SDK1: variants seen among roughly 807,000 people sequenced by gnomAD.
The protein encoded by SDK1 is sidekick cell adhesion molecule 1, also known as protein sidekick-1.
In SDK1, 157 loss-of-function variants were observed where a neutral mutation model predicts 245.5. The ratio of observed to expected loss-of-function variants is 0.64; its 90% CI spans 0.56 to 0.73. The LOEUF (loss-of-function observed/expected upper bound fraction) is 0.73. Ranked by LOEUF, SDK1 falls within the 30% of genes least tolerant of loss-of-function variation. The pLI is 0.00. For missense variants in SDK1, 3,583 were observed against 3,002.3 expected (o/e 1.19, Z -4.52); for synonymous variants, 1,647 against 1,278.5 (o/e 1.29, Z -6.15).
intron 1 of SDK1, among the ~76,000 whole-genome samples, chr7:3,589,390 G>C (rs1218110143): frequency 6.6e-6 from 1 of 152,194 alleles, no homozygotes; most frequent in Non-Finnish European, 1.5e-5. Context: ...TTTGATGTCA[G>C]TGCACAGACT....
chr7:3,432,696 C>T (rs911622798), intron 1 of SDK1, among the ~76,000 whole-genome samples: 2 of 152,152 alleles, frequency 1.3e-5, no homozygotes, highest in African/African-American at 4.8e-5. Flanking sequence ...GTAGCCTGCA[C>T]TGTCATAGAA....
At chr7:4,000,290 C>T (rs1449152232) in intron 14 of SDK1, among the ~76,000 whole-genome samples, 1 of 152,188 alleles carries the variant, frequency 6.6e-6, no homozygotes, top group Admixed American at 6.5e-5. Context: ...GCAGCTTGTC[C>T]TTCCTCCAGC....
intron 5 of SDK1, among the ~76,000 whole-genome samples, chr7:3,904,519 C>T (rs1342118170): frequency 6.6e-6 from 1 of 152,002 alleles, no homozygotes; most frequent in Non-Finnish European, 1.5e-5. Flanking sequence ...CAGGGCAAGA[C>T]CCTGTCTCTA....
chr7:4,067,686 C>T, intron 19 of SDK1, 152 bp from the exon 20 acceptor site: 1 of 586,560 alleles, frequency 1.7e-6, no homozygotes, highest in Non-Finnish European at 3.1e-6. Flanking sequence ...CTTGAACACC[C>T]TCCTTCTTTC....
rs576597276 is a variant in SDK1, at chr7:3,513,698, G to A, written c.299-105382G>A. Among the ~76,000 whole-genome samples, 21 of 152,158 alleles carry A rather than the reference G, an allele frequency of 1.4e-4. No individual in the cohort carries two copies. In the South Asian group the frequency reaches 4.4e-3, roughly 32 times the overall value. On this transcript the variant is annotated intron_variant, in intron 1 of 44. Coordinates refer to ENST00000404826, the MANE Select transcript of SDK1 (RefSeq NM_152744.4). ...CAAATTTGTTATGTGGGTCTGTTGCGTGATCCTGAGGTTTAGGGTACAGAT... is the reference window on the plus strand; with the variant it reads ...CAAATTTGTTATGTGGGTCTGTTGCATGATCCTGAGGTTTAGGGTACAGAT...
chr7:3,691,445 A>G (rs1784435037), intron 4 of SDK1, among the ~76,000 whole-genome samples: 1 of 152,226 alleles, frequency 6.6e-6, no homozygotes, highest in Non-Finnish European at 1.5e-5. Flanking sequence ...GAGTCCAAGT[A>G]GCACTTTGCT....
chr7:3,628,110 C>A (rs192744715), intron 2 of SDK1, among the ~76,000 whole-genome samples: 1 of 152,076 alleles, frequency 6.6e-6, no homozygotes, highest in African/African-American at 2.4e-5. Flanking sequence ...CATAGTGTGA[C>A]ATCTTCATTT....
intron 5 of SDK1, among the ~76,000 whole-genome samples, chr7:3,909,347 T>C (rs142620408): frequency 7.9e-5 from 12 of 152,258 alleles, no homozygotes; most frequent in African/African-American, 2.6e-4. Context: ...GGACACCCCA[T>C]CTACTGTGCA....
chr7:3,506,761 T>C (rs1218200556), intron 1 of SDK1, among the ~76,000 whole-genome samples: 1 of 152,148 alleles, frequency 6.6e-6, no homozygotes, highest in Non-Finnish European at 1.5e-5. Context: ...AGTATTCCAG[T>C]TCAGGTGTTG....
chr7:3,873,426 GT>G (rs1269676927), intron 5 of SDK1, among the ~76,000 whole-genome samples: 5 of 151,874 alleles, frequency 3.3e-5, no homozygotes, highest in Non-Finnish European at 5.9e-5. Context: ...TAGAGTTTGT[GT>G]TTTGTTTTGT....
chr7:3,578,455 C>A (rs1300866230), intron 1 of SDK1, among the ~76,000 whole-genome samples: 1 of 152,036 alleles, frequency 6.6e-6, no homozygotes, highest in Non-Finnish European at 1.5e-5. Context: ...AACATCTTAA[C>A]AGAAAACAGG....
At chr7:4,045,942 GGTTTTT>G (rs1235370778) in intron 17 of SDK1, among the ~76,000 whole-genome samples, 2 of 151,972 alleles carry the variant, frequency 1.3e-5, no homozygotes, top group African/African-American at 4.8e-5. Context: ...CTGCATAGTA[GGTTTTT>G]GTTCTTTTTT....
intron 1 of SDK1, among the ~76,000 whole-genome samples, chr7:3,401,960 A>G (rs1047861990): frequency 6.6e-6 from 1 of 152,136 alleles, no homozygotes; most frequent in African/African-American, 2.4e-5. Context: ...TCTTTACTGC[A>G]TCTGTCGATT....
At chr7:3,989,808 C>T (rs1350025142) in intron 14 of SDK1, among the ~76,000 whole-genome samples, 1 of 152,232 alleles carries the variant, frequency 6.6e-6, no homozygotes, top group Non-Finnish European at 1.5e-5. Flanking sequence ...CCTCGCCCTT[C>T]CCTGGGGGTT....
chr7:4,124,855 G>A (rs568817358), intron 25 of SDK1, among the ~76,000 whole-genome samples: 3 of 151,972 alleles, frequency 2.0e-5, no homozygotes, highest in South Asian at 4.2e-4. Context: ...GGTGATGGGC[G>A]AATGGATGGA....
intron 1 of SDK1, among the ~76,000 whole-genome samples, chr7:3,456,596 GTTTTA>G (rs2128593452): frequency 6.6e-6 from 1 of 151,968 alleles, no homozygotes; most frequent in East Asian, 1.9e-4. Context: ...AGATTTTTTT[GTTTTA>G]TTTTTTTCCG....
At chr7:3,947,939 G>A (rs144397102) in intron 5 of SDK1, among the ~76,000 whole-genome samples, 9 of 152,154 alleles carry the variant, frequency 5.9e-5, no homozygotes, top group East Asian at 1.9e-4. Flanking sequence ...GAGGGGGTAT[G>A]GTTTTGTTTC....
chr7:3,950,400 C>T lies in SDK1; in HGVS notation c.848-523C>T, dbSNP rs371753502. 2.6e-5 allele frequency among the ~76,000 whole-genome samples: 4 copies of T among 152,196 alleles called. No individual in the cohort carries two copies. In the East Asian group the frequency reaches 5.8e-4, roughly 22 times the overall value. On this transcript the variant is annotated intron_variant, in intron 5 of 44. Transcript: ENST00000404826. The stretch of plus-strand genomic sequence containing the variant: ...CTGCCCTTTCACTTTCTGTGGTTTC[C>T]ATTACCCTCCGTCAACCATGGTCCG...
At chr7:4,079,654 C>T in intron 22 of SDK1, 70 bp downstream of exon 22, 1 of 1,585,696 alleles carries the variant, frequency 6.3e-7, no homozygotes, top group Non-Finnish European at 8.6e-7. Flanking sequence ...ATGAGTGGTA[C>T]CCCTGCAGAT....
Sources: gnomAD v4.1 joint callset for allele counts (sites outside exome capture counted in the v4.1 genomes callset) on GRCh38, gnomAD v4.1.1 for gene constraint, MANE v1.5 for transcripts, NCBI Gene and HGNC (gene_info 2026-07-23, HGNC 2026-07-21) for gene names.